The following MACF1 variants were observed in gnomAD, a reference collection of about 807,000 sequenced individuals.
MACF1 encodes the protein microtubule-actin cross-linking factor 1.
A neutral mutation model predicts 854.8 loss-of-function variants in MACF1; 193 were observed. That is an observed-to-expected ratio of 0.23 (90% CI 0.20 to 0.25). The LOEUF is 0.25. MACF1 is among the 10% of genes least tolerant of loss of function. The probability of loss-of-function intolerance (pLI) is 1.00; values close to 1 mark genes in which losing one functional copy is unlikely to be tolerated. For missense variants in MACF1, 7,722 were observed against 8,929.1 expected, an observed-to-expected ratio of 0.86 and a Z score of 5.45; for synonymous variants, 3,185 against 3,226.7, an observed-to-expected ratio of 0.99 and a Z score of 0.44.
rs1642188951 is a variant in MACF1, at chr1:39,105,073, G to T, written c.220+20635G>T. On this transcript the variant is annotated intron_variant, in intron 2 of 93. Coordinates refer to the MACF1 transcript ENST00000361689. The surrounding 1 kb of genome is among the most constrained non-coding windows in gnomAD (Gnocchi z 5.9). ...CCGGCCCGGGTCTCCCTGCCGTTCGGCCGGCCCAGCCTTTCATCCTGACGC... is the reference window on the plus strand; with the variant it reads ...CCGGCCCGGGTCTCCCTGCCGTTCGTCCGGCCCAGCCTTTCATCCTGACGC... Among the ~76,000 whole-genome samples, 1 of 152,164 alleles carries T rather than the reference G, an allele frequency of 6.6e-6. No homozygotes were observed.
At chr1:39,406,155 G>T (rs1241714945) in intron 58 of MACF1, among the ~76,000 whole-genome samples, 1 of 152,034 alleles carries the variant, frequency 6.6e-6, no homozygotes, top group Non-Finnish European at 1.5e-5. Context: ...GCGGTGGGAG[G>T]ATTAGATTAC....
chr1:39,464,383 A>G (rs541015289), intron 94 of MACF1: 2 of 153,206 alleles, frequency 1.3e-5, no homozygotes, highest in East Asian at 3.8e-4. Context: ...TTTCATTAGT[A>G]TATCCAAAAT....
At chr1:39,267,446 G>A (rs1384502575) in intron 6 of MACF1, among the ~76,000 whole-genome samples, 2 of 152,154 alleles carry the variant, frequency 1.3e-5, no homozygotes, top group African/African-American at 2.4e-5. Context: ...GCCCAGGCTG[G>A]TCTTAAACTC....
intron 31 of MACF1, among the ~76,000 whole-genome samples, chr1:39,320,909 A>C (rs540996110): frequency 6.6e-6 from 1 of 152,210 alleles, no homozygotes; most frequent in African/African-American, 2.4e-5. Context: ...CATTGAGGCT[A>C]TTGAGCCGTG....
intron 1 of MACF1, among the ~76,000 whole-genome samples, chr1:39,221,571 A>G (rs1245546464): frequency 6.6e-6 from 1 of 151,280 alleles, no homozygotes; most frequent in Non-Finnish European, 1.5e-5. Flanking sequence ...TTGAAGTTCT[A>G]CTCTCCTCCC....
Position 39,480,903 on chromosome 1 carries a change from G to T in MACF1, c.22171-17G>T. ...TTCAATTGTTCCTGTCCTTCCCTTT[G>T]GATTTCCGTTTCACAGACTTCACTT... On this transcript the variant is annotated splice_polypyrimidine_tract_variant and intron_variant, in intron 98 of 100. Transcript: ENST00000564288. The T allele has an allele frequency of 1.4e-6, 2 of 1,402,770 alleles. No individual in the cohort carries two copies. The highest frequency in any genetic ancestry group is 2.5e-5 in the East Asian group (1 of 39,846). The allele number at this position is 1,402,770 out of a possible 1,614,324, so 86.9% of individuals were successfully genotyped here.
rs1645603246 is a variant in MACF1 at position 39,284,202 on chromosome 1, A to C, written c.1035+17A>C. 1 of 1,608,156 alleles carries C rather than the reference A, an allele frequency of 6.2e-7. No individual in the cohort carries two copies. The highest frequency in any genetic ancestry group is 1.7e-5 in the Admixed American group (1 of 58,426). ...GAACTAAAGGTAAAGTCAAGGACTT[A>C]AATTTTTTTGGTAAAATCTTTCTAG... On this transcript the variant is annotated intron_variant, in intron 10 of 100. Coordinates refer to ENST00000564288, the MANE Select transcript of MACF1 (RefSeq NM_001394062.1).
At chr1:39,173,854 T>A (rs1643987470) in intron 2 of MACF1, among the ~76,000 whole-genome samples, 2 of 152,230 alleles carry the variant, frequency 1.3e-5, no homozygotes, top group Admixed American at 1.3e-4. Flanking sequence ...ATAACTAGTC[T>A]GTCTGTGGAA....
chr1:39,331,200 T>TTTA lies in MACF1; in HGVS notation c.4615-3_4615-2insTTA. The TTTA allele has an allele frequency of 1.8e-6, 2 of 1,122,970 alleles. No homozygotes were observed. Among genetic ancestry groups the TTTA allele is most frequent in the Non-Finnish European group, 2.3e-6 (2 of 866,286 alleles). 69.6% of individuals were successfully genotyped at this position (1,122,970 alleles called of 1,614,324 possible). A position where few individuals can be genotyped will look rare whatever the true frequency, so the allele number is the denominator to read the frequency against. ...TTTTTTTTTTTTTTTTTTTTTTTTT[T>TTTA]AGGAATGCAGAGCAGTTGCTGGGGT... On this transcript the variant is annotated splice_polypyrimidine_tract_variant and splice_region_variant and intron_variant, in intron 36 of 100. Transcript: ENST00000564288.
At position 39,360,213 on chromosome 1, in the gene MACF1, G is replaced by A. The variant is rs568534858; in HGVS notation, c.12245-580G>A. ...TGCATATGTTAAATAGCTTAGCTTA[G>A]CCATCCCACTCCTCAAAAGAAACGA... is the stretch of plus-strand genomic sequence containing the variant. On this transcript the variant is annotated intron_variant, in intron 47 of 100. Coordinates refer to ENST00000564288, the MANE Select transcript of MACF1 (RefSeq NM_001394062.1). Among the ~76,000 whole-genome samples the A allele has an allele frequency of 2.6e-5, 4 of 150,960 alleles. No homozygotes were observed. The South Asian group carries it at 8.4e-4, about 32-fold the overall frequency.
At chr1:39,092,992 G>C (rs1038266010) in intron 2 of MACF1, among the ~76,000 whole-genome samples, 1 of 151,972 alleles carries the variant, frequency 6.6e-6, no homozygotes, top group Non-Finnish European at 1.5e-5. Context: ...CACCATCTTG[G>C]CCAGGCTGGC....
chr1:39,478,246 A>G (rs867729011), intron 97 of MACF1, among the ~76,000 whole-genome samples: 112 of 152,006 alleles, frequency 7.4e-4, no homozygotes, highest in African/African-American at 2.6e-3. Flanking sequence ...CAGGTGATCT[A>G]CCTGCCTTGG....
intron 30 of MACF1, among the ~76,000 whole-genome samples, 197 bp downstream of exon 30, chr1:39,318,812 A>G (rs1310989189): frequency 1.3e-5 from 2 of 152,184 alleles, no homozygotes; most frequent in African/African-American, 4.8e-5. Context: ...AGGTACCTTC[A>G]GTTCTGAGTT....
At position 39,331,435 on chromosome 1, in the gene MACF1, A is replaced by G; in HGVS notation, c.4847A>G (p.Gln1616Arg). The change falls in exon 37 of 101, where the codon CAG becomes CGG. Residue 1616 changes from glutamine (Q) to arginine (R), a missense_variant. Around this residue, in one of 15 missense-constraint regions of MACF1, gnomAD observed 1,531 missense variants for 1,601.6 expected, o/e 0.96. Transcript: ENST00000564288. ...PQMYQQLREL[Q>R]DALALISRLT... ...ATGTACCAGCAGCTCCGGGAGCTAC[A>G]GGATGCCCTGGCCTTAATAAGCAGG... is the stretch of plus-strand genomic sequence containing the variant. The G allele has an allele frequency of 6.2e-7, 1 of 1,614,122 alleles. No homozygotes were observed. The highest frequency in any genetic ancestry group is 1.1e-5 in the South Asian group (1 of 91,078).
rs1331107987 is a variant in MACF1, at chr1:39,442,004, C to A, written c.18725C>A (p.Pro6242His). 6.2e-7 allele frequency: 1 copy of A among 1,614,148 alleles called. No individual in the cohort carries two copies. The highest frequency in any genetic ancestry group is 1.3e-5 in the African/African-American group (1 of 75,050). ...NTVIKLCTMP[P>H]VGTDLNTVKD... is the part of the protein sequence containing the mutation. ...GTGATTAAACTCTGCACCATGCCCC[C>A]TGTTGGCACTGACCTCAATACTGTT... The change falls in exon 75 of 101, where the codon CCT becomes CAT. Residue 6242 changes from proline to histidine, a missense_variant. Physicochemically the swap from Pro to His is moderately conservative, Grantham distance 77. Coordinates refer to ENST00000564288, the MANE Select transcript of MACF1 (RefSeq NM_001394062.1).
chr1:39,323,783 G>A (rs1049827246), intron 33 of MACF1, among the ~76,000 whole-genome samples: 3 of 151,994 alleles, frequency 2.0e-5, no homozygotes, highest in Admixed American at 1.3e-4. Context: ...TTTTAAATTA[G>A]CAAGACTTTC....
intron 2 of MACF1, among the ~76,000 whole-genome samples, chr1:39,158,997 T>G (rs1643744752): frequency 6.6e-6 from 1 of 152,200 alleles, no homozygotes; most frequent in African/African-American, 2.4e-5. Flanking sequence ...CAGAAGTTCC[T>G]GGAGGGACTC....
chr1:39,331,823 G>A lies in MACF1; in HGVS notation c.5235G>A (p.Lys1745=). ...GGMVSLKSGR[K]VSIFRAVQEG... is the part of the protein sequence containing the mutation. ...TGGTGAGCTTGAAATCAGGCCGGAA[G>A]GTTAGCATTTTCCGTGCAGTTCAGG... The change falls in exon 37 of 101, where the codon AAG becomes AAA. Residue 1745 remains lysine, a synonymous_variant. Transcript: ENST00000564288. 2 of 1,614,150 alleles carry A rather than the reference G, an allele frequency of 1.2e-6. No individual in the cohort carries two copies. Among genetic ancestry groups the A allele is most frequent in the Non-Finnish European group, 8.5e-7 (1 of 1,180,028 alleles).
intron 1 of MACF1, among the ~76,000 whole-genome samples, 168 bp downstream of exon 1, chr1:39,205,299 G>A (rs1644437660): frequency 6.6e-6 from 1 of 152,072 alleles, no homozygotes; most frequent in African/African-American, 2.4e-5. Flanking sequence ...GAAGAAGCTG[G>A]TCTGCCCTGG....
Sources: allele counts gnomAD v4.1 joint callset (sites outside exome capture counted in the v4.1 genomes callset), GRCh38; gene constraint gnomAD v4.1.1; regional missense constraint gnomAD v4.1.1; non-coding constraint Gnocchi (gnomAD v3.1); transcripts MANE v1.5; gene names NCBI Gene and HGNC (gene_info 2026-07-23, HGNC 2026-07-21).